ABTB3: variants seen among roughly 807,000 people sequenced by gnomAD.
ABTB3 encodes ankyrin repeat and BTB domain containing 3, also known as ankyrin repeat- and BTB/POZ domain-containing protein 3.
the ABTB3 span, among the ~76,000 whole-genome samples, chr12:107,391,799 G>C: frequency 6.6e-6 from 1 of 152,156 alleles, no homozygotes; most frequent in Non-Finnish European, 1.5e-5. Flanking sequence ...CTGCTTCATA[G>C]AGGCCTCTGA....
At chr12:107,476,670 G>A in the ABTB3 span, among the ~76,000 whole-genome samples, 2 of 151,962 alleles carry the variant, frequency 1.3e-5, no homozygotes, top group South Asian at 4.2e-4. Context: ...CAATGCTGGA[G>A]CTACATTCTG....
At chr12:107,398,585 C>T in the ABTB3 span, among the ~76,000 whole-genome samples, 1 of 152,148 alleles carries the variant, frequency 6.6e-6, no homozygotes, top group African/African-American at 2.4e-5. Flanking sequence ...CTTTATTTCC[C>T]ATTGTGGCTC....
the ABTB3 span, among the ~76,000 whole-genome samples, chr12:107,422,378 A>C: frequency 6.6e-6 from 1 of 152,274 alleles, no homozygotes; most frequent in Middle Eastern, 3.4e-3. Context: ...CAGGTTGCAG[A>C]AAGTCTTTGG....
chr12:107,550,729 T>C, the ABTB3 span, among the ~76,000 whole-genome samples: 29 of 151,924 alleles, frequency 1.9e-4, no homozygotes, highest in East Asian at 5.1e-3. Context: ...TACAGGTGCA[T>C]GCTATCATGC....
At chr12:107,358,316 A>G in the ABTB3 span, among the ~76,000 whole-genome samples, 1 of 152,178 alleles carries the variant, frequency 6.6e-6, no homozygotes, top group Admixed American at 6.5e-5. Context: ...CCTTCAAAGA[A>G]GTTAGGGAAT....
At chr12:107,401,914 G>GTTTTTT in the ABTB3 span, among the ~76,000 whole-genome samples, 2 of 130,880 alleles carry the variant, frequency 1.5e-5, no homozygotes, top group African/African-American at 2.9e-5. Context: ...ACCGCTTAGG[G>GTTTTTT]TTTTTTTTTT....
chr12:107,389,312 G>A, the ABTB3 span, among the ~76,000 whole-genome samples: 9 of 152,174 alleles, frequency 5.9e-5, no homozygotes, highest in Admixed American at 3.9e-4. Flanking sequence ...CATTTTTAAT[G>A]CTTATGTACT....
At chr12:107,429,359 C>T in the ABTB3 span, among the ~76,000 whole-genome samples, 1 of 152,200 alleles carries the variant, frequency 6.6e-6, no homozygotes, top group Non-Finnish European at 1.5e-5. Context: ...TGCCATCAGC[C>T]TGGAAAACTG....
the ABTB3 span, among the ~76,000 whole-genome samples, chr12:107,360,930 A>ATTTTTTTTTTTTT: frequency 8.8e-4 from 74 of 84,450 alleles, 1 homozygote; most frequent in East Asian, 1.6e-3. Flanking sequence ...ATTTAATTTA[A>ATTTTTTTTTTTTT]TTTTTTTTTT....
the ABTB3 span, among the ~76,000 whole-genome samples, chr12:107,502,067 CTTT>C: frequency 7.1e-6 from 1 of 140,502 alleles, no homozygotes. Flanking sequence ...GGCATTGGTA[CTTT>C]TTTTTTTTTT....
chr12:107,640,273 TCCACTAAAGC>T, the ABTB3 span: 1 of 1,210,726 alleles, frequency 8.3e-7, no homozygotes, highest in Admixed American at 2.0e-5. Context: ...CATCCTTTTT[TCCACTAAAGC>T]TACCTTTTTT....
At chr12:107,444,625 A>G in the ABTB3 span, among the ~76,000 whole-genome samples, 2 of 152,250 alleles carry the variant, frequency 1.3e-5, no homozygotes, top group African/African-American at 4.8e-5. Flanking sequence ...GAGCAGTCAT[A>G]AGGGAGGTGG....
the ABTB3 span, among the ~76,000 whole-genome samples, chr12:107,492,985 G>C: frequency 6.6e-6 from 1 of 151,844 alleles, no homozygotes; most frequent in African/African-American, 2.4e-5. Flanking sequence ...TGGTGCTGCT[G>C]TTAGGACCAG....
At chr12:107,508,494 CA>C in the ABTB3 span, among the ~76,000 whole-genome samples, 2 of 118,164 alleles carry the variant, frequency 1.7e-5, no homozygotes, top group Non-Finnish European at 3.6e-5. Flanking sequence ...CCCTGTCACC[CA>C]GGCTGGAGTG....
chr12:107,403,964 A>G, the ABTB3 span, among the ~76,000 whole-genome samples: 13 of 152,078 alleles, frequency 8.5e-5, no homozygotes, highest in African/African-American at 3.1e-4. Context: ...GGAGTTCGAG[A>G]CCAGCCTGGT....
At chr12:107,523,020 T>A in the ABTB3 span, among the ~76,000 whole-genome samples, 1 of 152,224 alleles carries the variant, frequency 6.6e-6, no homozygotes, top group African/African-American at 2.4e-5. Flanking sequence ...TTTAGCTGAA[T>A]ATTAGTTACT....
chr12:107,545,673 G>A, the ABTB3 span, among the ~76,000 whole-genome samples: 5 of 152,204 alleles, frequency 3.3e-5, no homozygotes, highest in Admixed American at 1.3e-4. Flanking sequence ...CAGTCAGTAC[G>A]TTGTGCATAT....
At chr12:107,517,312 G>C in the ABTB3 span, among the ~76,000 whole-genome samples, 1 of 152,144 alleles carries the variant, frequency 6.6e-6, no homozygotes, top group African/African-American at 2.4e-5. Flanking sequence ...GATGCCTCCA[G>C]CTTTGTTCTT....
the ABTB3 span, among the ~76,000 whole-genome samples, chr12:107,595,703 T>A: frequency 6.6e-6 from 1 of 152,284 alleles, no homozygotes; most frequent in East Asian, 1.9e-4. Context: ...ATCTCAGTTC[T>A]ACTACTGACT....
Sources: allele counts gnomAD v4.1 joint callset (sites outside exome capture counted in the v4.1 genomes callset), GRCh38; gene constraint gnomAD v4.1.1; transcripts MANE v1.5; gene names NCBI Gene and HGNC (gene_info 2026-07-23, HGNC 2026-07-21).